The following SH3RF2 variants were observed in gnomAD, a reference collection of about 807,000 sequenced individuals.
The protein encoded by SH3RF2 is E3 ubiquitin-protein ligase SH3RF2.
SH3RF2 carries 43 observed loss-of-function variants against 59.0 expected under a neutral mutation model. That is an observed-to-expected ratio of 0.73 (90% confidence interval 0.57 to 0.94). The LOEUF (loss-of-function observed/expected upper bound fraction) is 0.94. Ranked by LOEUF, SH3RF2 falls within the 40% of genes least tolerant of loss-of-function variation. The probability of loss-of-function intolerance (pLI) is 0.00; values close to 1 mark genes in which losing one functional copy is unlikely to be tolerated. For synonymous variants in SH3RF2, 391 were observed against 391.5 expected (o/e 1.00, Z 0.01); for missense variants, 930 against 940.1 (o/e 0.99, Z 0.14).
intron 5 of SH3RF2, among the ~76,000 whole-genome samples, chr5:146,032,056 G>A (rs1761763539): frequency 1.3e-5 from 2 of 152,188 alleles, no homozygotes; most frequent in Admixed American, 6.5e-5. Context: ...TCCAAAGTAG[G>A]TCTCCCATCA....
chr5:146,001,673 T>C (rs1350173680), intron 3 of SH3RF2, among the ~76,000 whole-genome samples: 1 of 152,220 alleles, frequency 6.6e-6, no homozygotes, highest in Non-Finnish European at 1.5e-5. Context: ...ATTTGTAAAC[T>C]GGGGCACTTA....
chr5:145,968,765 G>C (rs1758957987), intron 2 of SH3RF2, among the ~76,000 whole-genome samples: 2 of 152,088 alleles, frequency 1.3e-5, no homozygotes, highest in South Asian at 4.1e-4. Context: ...TTACAATTCT[G>C]ACTAGTCACA....
chr5:145,984,751 C>T (rs1471686821), intron 2 of SH3RF2, among the ~76,000 whole-genome samples: 1 of 152,216 alleles, frequency 6.6e-6, no homozygotes, highest in East Asian at 1.9e-4. Flanking sequence ...GCAGGCAGGG[C>T]ACTTCTTCTC....
chr5:146,046,265 G>T (rs1762300028), intron 5 of SH3RF2, among the ~76,000 whole-genome samples: 1 of 152,122 alleles, frequency 6.6e-6, no homozygotes, highest in Non-Finnish European at 1.5e-5. Context: ...AACAAGATTT[G>T]CAATGGACCA....
At chr5:146,037,907 G>A (rs566023869) in intron 5 of SH3RF2, among the ~76,000 whole-genome samples, 4 of 152,102 alleles carry the variant, frequency 2.6e-5, no homozygotes, top group African/African-American at 2.4e-5. Flanking sequence ...CTTCACTCAG[G>A]AACACAGATG....
At chr5:146,066,129 G>A (rs1201680375), downstream of SH3RF2, among the ~76,000 whole-genome samples, 1 of 152,234 alleles carries the variant, frequency 6.6e-6, no homozygotes, top group Non-Finnish European at 1.5e-5. Flanking sequence ...CAAGGACACA[G>A]TCTCAAACTG....
intron 5 of SH3RF2, among the ~76,000 whole-genome samples, chr5:146,043,436 C>A (rs2150011617): frequency 6.6e-6 from 1 of 152,206 alleles, no homozygotes; most frequent in East Asian, 1.9e-4. Flanking sequence ...TTTCCTGTGG[C>A]CTTAACTAGA....
chr5:146,012,341 C>T (rs562406178), intron 4 of SH3RF2, among the ~76,000 whole-genome samples: 47 of 152,294 alleles, frequency 3.1e-4, no homozygotes, highest in African/African-American at 1.1e-3. Context: ...TGTTGTGTCT[C>T]TGCCAGGCTT....
chr5:146,024,800 A>G (rs1761468368), intron 5 of SH3RF2, among the ~76,000 whole-genome samples: 1 of 152,184 alleles, frequency 6.6e-6, no homozygotes, highest in East Asian at 1.9e-4. Flanking sequence ...TCATTTACTG[A>G]AAAAGACTAT....
At position 145,938,304 on chromosome 5, in the gene SH3RF2, G is replaced by A. The variant is rs144622691; in HGVS notation, c.376G>A (p.Gly126Arg). 65 of 1,529,168 alleles carry A rather than the reference G, an allele frequency of 4.3e-5. No individual in the cohort carries two copies. Among genetic ancestry groups the A allele is most frequent in the Admixed American group, 1.8e-4 (9 of 49,006 alleles). 94.7% of individuals were successfully genotyped at this position (1,529,168 alleles called of 1,614,324 possible). The change falls in exon 2 of 10, where the codon GGG (glycine) becomes AGG (arginine). Residue 126 changes from glycine to arginine, a missense_variant and splice_region_variant. Gly to Arg is a moderately radical substitution (Grantham distance 125). Coordinates refer to ENST00000359120, the MANE Select transcript of SH3RF2 (RefSeq NM_152550.4). ...GCCTAATGTCAGAATCCACATGGAT[G>A]GGGTAAGAGAGATCTTATTTGCTAA... ...LVPNVRIHMD[G>R]VPRAKALCNY...
At position 146,075,380 on chromosome 5, in the gene SH3RF2, T is replaced by G. The variant is rs905965806; in HGVS notation, c.*34-3080T>G. Reference sequence around the variant, plus strand: ...AATAAATACTATTACTACCCCCATGTTAATCGTAGAAACTAAGGCCTAGAG... The same window carrying G: ...AATAAATACTATTACTACCCCCATGGTAATCGTAGAAACTAAGGCCTAGAG... On this transcript the variant is annotated intron_variant, in intron 9 of 9. Transcript: ENST00000511217. Among the ~76,000 whole-genome samples, 12 of 152,178 alleles carry G rather than the reference T, an allele frequency of 7.9e-5. 1 individual carries two copies. Among genetic ancestry groups the G allele is most frequent in the Admixed American group, 6.5e-5 (1 of 15,278 alleles).
chr5:146,029,232 T>C (rs1221361301), intron 5 of SH3RF2, among the ~76,000 whole-genome samples: 2 of 152,198 alleles, frequency 1.3e-5, no homozygotes, highest in African/African-American at 4.8e-5. Context: ...AGTATCTAGT[T>C]CAGTTAGCAA....
At chr5:146,048,675 T>C (rs1051876828) in intron 6 of SH3RF2, among the ~76,000 whole-genome samples, 3 of 152,206 alleles carry the variant, frequency 2.0e-5, no homozygotes, top group African/African-American at 7.2e-5. Context: ...TCCCTGAATC[T>C]GGCAAACCAA....
Position 146,013,768 on chromosome 5 carries a change from C to A in SH3RF2, c.766C>A (p.Leu256Ile), listed in dbSNP as rs762782467. The stretch of plus-strand genomic sequence containing the variant: ...TCAGCCAAACCTCACCGCAAGACAC[C>A]TTTTAGAGAAGAACAAAGGTCGCCA... ...FVEPNLTARHLLEKNKGRQSS... is the reference protein window; with the variant it reads ...FVEPNLTARHILEKNKGRQSS... The change falls in exon 5 of 10, where the codon CTT becomes ATT. Residue 256 changes from leucine to isoleucine, a missense_variant. Physicochemically the swap from Leu to Ile is conservative, Grantham distance 5. Transcript: ENST00000359120. 3 of 1,613,880 alleles carry A rather than the reference C, an allele frequency of 1.9e-6. No homozygotes were observed. The Admixed American group carries it at 5.0e-5, about 27-fold the overall frequency.
intron 4 of SH3RF2, among the ~76,000 whole-genome samples, chr5:146,006,897 G>A (rs117429541): frequency 2.6e-5 from 4 of 152,282 alleles, no homozygotes; most frequent in East Asian, 3.9e-4. Context: ...GCATCATCTG[G>A]AACATGTGGG....
At chr5:145,994,931 G>T (rs1215370229) in intron 2 of SH3RF2, among the ~76,000 whole-genome samples, 1 of 152,096 alleles carries the variant, frequency 6.6e-6, no homozygotes, top group Non-Finnish European at 1.5e-5. Context: ...CAAATCTAAA[G>T]GGGCTTAGAT....
Position 146,060,091 on chromosome 5 carries a change from A to C in SH3RF2, c.1781A>C (p.His594Pro). ...CISRGSEAWI[H>P]SAASSLIMED... Reference sequence around the variant, plus strand: ...AGCAGGGGCAGTGAGGCCTGGATCCACTCCGCGGCCAGCTCCCTCATTATG... The same window carrying C: ...AGCAGGGGCAGTGAGGCCTGGATCCCCTCCGCGGCCAGCTCCCTCATTATG... Residue 594 changes from histidine (H) to proline (P), a missense_variant, in exon 9 of 10, where the codon CAC (histidine) becomes CCC (proline). Coordinates refer to ENST00000359120, the MANE Select transcript of SH3RF2 (RefSeq NM_152550.4). 1 of 1,613,698 alleles carries C rather than the reference A, an allele frequency of 6.2e-7. No individual in the cohort carries two copies. The highest frequency in any genetic ancestry group is 8.5e-7 in the Non-Finnish European group (1 of 1,179,920).
intron 8 of SH3RF2, among the ~76,000 whole-genome samples, chr5:146,057,489 T>C (rs1762712217): frequency 6.6e-6 from 1 of 152,252 alleles, no homozygotes. Context: ...GTTAACTTAA[T>C]AAAACAACCC....
intron 2 of SH3RF2, among the ~76,000 whole-genome samples, chr5:145,962,238 C>T (rs1758657946): frequency 6.6e-6 from 1 of 152,144 alleles, no homozygotes; most frequent in South Asian, 2.1e-4. Context: ...AGCCATCCTG[C>T]ACCACATGGC....
Sources: gnomAD v4.1 joint callset for allele counts (sites outside exome capture counted in the v4.1 genomes callset) on GRCh38, gnomAD v4.1.1 for gene constraint, MANE v1.5 for transcripts, NCBI Gene and HGNC (gene_info 2026-07-23, HGNC 2026-07-21) for gene names.